Variants in KCNQ5 observed in about 807,000 individuals in gnomAD.
The protein encoded by KCNQ5 is potassium voltage-gated channel subfamily KQT member 5.
A neutral mutation model predicts 98.2 loss-of-function variants in KCNQ5; 30 were observed. The ratio of observed to expected loss-of-function variants is 0.31; its 90% CI spans 0.23 to 0.41. KCNQ5 has a LOEUF of 0.41. Ranked by LOEUF, KCNQ5 falls within the 10% of genes least tolerant of loss-of-function variation. The pLI is 1.00. For synonymous variants in KCNQ5, 458 were observed against 449.4 expected (o/e 1.02, Z -0.24); for missense variants, 835 against 1,182.5 (o/e 0.71, Z 4.31).
At chr6:73,086,963 G>T (rs1002763517) in intron 5 of KCNQ5, among the ~76,000 whole-genome samples, 1 of 152,200 alleles carries the variant, frequency 6.6e-6, no homozygotes, top group Non-Finnish European at 1.5e-5. Context: ...ATCCTGGCTT[G>T]TTTGAAGAGC....
chr6:72,774,864 C>A (rs957754645), intron 1 of KCNQ5, among the ~76,000 whole-genome samples: 1 of 152,064 alleles, frequency 6.6e-6, no homozygotes, highest in Admixed American at 6.5e-5. Context: ...GGACTTGTAC[C>A]CTGCTGGTGA....
chr6:72,838,747 G>C (rs1255113033), intron 1 of KCNQ5, among the ~76,000 whole-genome samples: 1 of 151,460 alleles, frequency 6.6e-6, no homozygotes, highest in African/African-American at 2.4e-5. Context: ...TCAGGAGATC[G>C]AGACCATCCT....
intron 3 of KCNQ5, chr6:73,055,632 T>C: frequency 2.5e-6 from 3 of 1,193,862 alleles, no homozygotes; most frequent in Non-Finnish European, 3.7e-6. Context: ...AAATGGGTAC[T>C]GACTGCAGCC....
chr6:72,853,601 G>T lies in KCNQ5; in HGVS notation c.399-150307G>T, dbSNP rs565392284. ...TCAAGTAATCTGCCCACCTCTTTTT[G>T]AATGTAGGCCAGCAAATAATTTTTG... On this transcript the variant is annotated intron_variant, in intron 1 of 13. Coordinates refer to ENST00000370398, the MANE Select transcript of KCNQ5 (RefSeq NM_019842.4). Among the ~76,000 whole-genome samples the T allele has an allele frequency of 2.6e-5, 4 of 152,218 alleles. No individual in the cohort carries two copies. The South Asian group carries it at 8.3e-4, about 32-fold the overall frequency.
chr6:72,636,685 C>T (rs1242564470), intron 1 of KCNQ5, among the ~76,000 whole-genome samples: 1 of 152,126 alleles, frequency 6.6e-6, no homozygotes, highest in African/African-American at 2.4e-5. Flanking sequence ...ATAACCTGAC[C>T]TCTTGCTAAG....
In KCNQ5 at chr6:73,166,994, T is replaced by C. The variant is rs193172022; in HGVS notation, c.1469-2752T>C. On this transcript the variant is annotated intron_variant, in intron 10 of 13. Transcript: ENST00000370398. ...TTCCAACTAAGGTCATATTCCGATG[T>C]TCCACGTGGACATAAATCTTGGGGT... is the stretch of plus-strand genomic sequence containing the variant. 4.6e-5 allele frequency among the ~76,000 whole-genome samples: 7 copies of C among 152,322 alleles called. 1 individual carries two copies. The East Asian group carries it at 1.3e-3, about 29-fold the overall frequency.
chr6:72,980,706 C>A (rs1365031957), intron 1 of KCNQ5, among the ~76,000 whole-genome samples: 1 of 152,160 alleles, frequency 6.6e-6, no homozygotes, highest in Non-Finnish European at 1.5e-5. Context: ...ACTTCCAACA[C>A]TATGTTCAAT....
At chr6:72,750,040 C>G (rs974248453) in intron 1 of KCNQ5, among the ~76,000 whole-genome samples, 37 of 151,958 alleles carry the variant, frequency 2.4e-4, no homozygotes, top group African/African-American at 8.5e-4. Context: ...TTCATAAAAC[C>G]GTGGTCTGTA....
intron 1 of KCNQ5, among the ~76,000 whole-genome samples, chr6:72,852,627 G>C (rs1777310069): frequency 2.6e-5 from 1 of 38,600 alleles, no homozygotes; most frequent in South Asian, 9.3e-4. Context: ...TGGAGAGAAG[G>C]AGATGAAGGG....
At chr6:72,847,712 TTGCCATTATGTA>T (rs1342068691) in intron 1 of KCNQ5, among the ~76,000 whole-genome samples, 1 of 152,300 alleles carries the variant, frequency 6.6e-6, no homozygotes, top group East Asian at 1.9e-4. Context: ...TAATGGCAGC[TTGCCATTATGTA>T]TATGACCAAC....
At chr6:72,649,502 TAA>T (rs1765770963) in intron 1 of KCNQ5, among the ~76,000 whole-genome samples, 1 of 152,176 alleles carries the variant, frequency 6.6e-6, no homozygotes, top group Non-Finnish European at 1.5e-5. Context: ...ACGGACCCAG[TAA>T]AGAGTTTGTA....
chr6:72,695,686 A>G (rs1768457266), intron 1 of KCNQ5, among the ~76,000 whole-genome samples: 1 of 152,172 alleles, frequency 6.6e-6, no homozygotes, highest in African/African-American at 2.4e-5. Flanking sequence ...ATAAATATAT[A>G]TGTGCAAACA....
chr6:72,771,860 G>A (rs1772907728), intron 1 of KCNQ5, among the ~76,000 whole-genome samples: 1 of 152,016 alleles, frequency 6.6e-6, no homozygotes, highest in South Asian at 2.1e-4. Flanking sequence ...TAGATACAAG[G>A]AACTAGAGGA....
rs1774957651 is a variant in KCNQ5 at position 73,105,358 on chromosome 6, A to G, written c.1020A>G (p.Ala340=). ...CACTCCTTGGCATTTCTTTCTTTGC[A>G]CTTCCTGCCGTGAGTATCTTTGCAC... ...GFALLGISFF[A]LPAGILGSGF... is the part of the protein sequence containing the mutation. Residue 340 remains alanine, a synonymous_variant, in exon 6 of 14, where the codon GCA becomes GCG. Coordinates refer to ENST00000370398, the MANE Select transcript of KCNQ5 (RefSeq NM_019842.4). 8 of 1,606,382 alleles carry G rather than the reference A, an allele frequency of 5.0e-6. No homozygotes were observed. In the African/African-American group the frequency reaches 6.7e-5, roughly 13 times the overall value.
intron 3 of KCNQ5, among the ~76,000 whole-genome samples, chr6:73,054,594 A>C (rs924621329): frequency 6.6e-5 from 10 of 152,230 alleles, no homozygotes; most frequent in African/African-American, 2.4e-4. Context: ...AACAAAAACC[A>C]CATGATCATC....
chr6:73,025,244 C>T (rs1338012272), intron 2 of KCNQ5, among the ~76,000 whole-genome samples: 1 of 152,172 alleles, frequency 6.6e-6, no homozygotes, highest in Non-Finnish European at 1.5e-5. Context: ...AAAACTGTTG[C>T]AACATAATTG....
intron 1 of KCNQ5, among the ~76,000 whole-genome samples, chr6:72,913,129 G>A (rs562653725): frequency 3.4e-4 from 52 of 152,076 alleles, no homozygotes; most frequent in African/African-American, 1.2e-3. Context: ...ATTTAATTTA[G>A]ATAAAAATAA....
intron 1 of KCNQ5, among the ~76,000 whole-genome samples, chr6:72,653,077 T>C (rs1295978348): frequency 1.3e-5 from 2 of 152,098 alleles, no homozygotes; most frequent in Non-Finnish European, 2.9e-5. Context: ...AGTTTGTTTA[T>C]TCCATAAGAG....
At chr6:73,091,555 T>A (rs1350316077) in intron 5 of KCNQ5, among the ~76,000 whole-genome samples, 1 of 152,214 alleles carries the variant, frequency 6.6e-6, no homozygotes, top group African/African-American at 2.4e-5. Flanking sequence ...TTGTTTGCTT[T>A]GTCCAAGATC....
Sources: gnomAD v4.1 joint callset for allele counts (sites outside exome capture counted in the v4.1 genomes callset) on GRCh38, gnomAD v4.1.1 for gene constraint, MANE v1.5 for transcripts, NCBI Gene and HGNC (gene_info 2026-07-23, HGNC 2026-07-21) for gene names.